Variants in FOXJ3 observed in about 807,000 individuals in gnomAD.
FOXJ3 encodes forkhead box protein J3.
A neutral mutation model predicts 76.1 loss-of-function variants in FOXJ3; 22 were observed. The observed-to-expected ratio is 0.29, with a 90% confidence interval of 0.21 to 0.41. The LOEUF is 0.41. Ranked by LOEUF, FOXJ3 falls within the 10% of genes least tolerant of loss-of-function variation. The probability of loss-of-function intolerance (pLI) is 1.00; values close to 1 mark genes in which losing one functional copy is unlikely to be tolerated. For missense variants in FOXJ3, 613 were observed against 762.1 expected, an observed-to-expected ratio of 0.80 and a Z score of 2.30; for synonymous variants, 269 against 261.2, an observed-to-expected ratio of 1.03 and a Z score of -0.29.
In FOXJ3 at chr1:42,278,110, T is replaced by A. The variant is rs559589203; in HGVS notation, c.369+238A>T. On this transcript the variant is annotated intron_variant, in intron 3 of 12. Coordinates refer to ENST00000361346, the MANE Select transcript of FOXJ3 (RefSeq NM_014947.5). Reference sequence around the variant, plus strand: ...GGTATGGTTTCCAGTGAACGCTACATTATCCCCGCTCTTACTTTATGCTAC... The same window carrying A: ...GGTATGGTTTCCAGTGAACGCTACAATATCCCCGCTCTTACTTTATGCTAC... 1.3e-5 allele frequency among the ~76,000 whole-genome samples: 2 copies of A among 152,292 alleles called. 1 individual carries two copies. The highest frequency in any genetic ancestry group is 4.1e-4 in the South Asian group (2 of 4,824).
intron 4 of FOXJ3, among the ~76,000 whole-genome samples, chr1:42,250,747 G>A (rs1180730012): frequency 8.2e-6 from 1 of 122,406 alleles, no homozygotes. Context: ...AGTGAGCAGA[G>A]AAATCACGCC....
rs1459073196 is a variant in FOXJ3, at chr1:42,199,417, C to T, written c.631-187G>A. Among the ~76,000 whole-genome samples, 3 of 152,070 alleles carry T rather than the reference C, an allele frequency of 2.0e-5. No individual in the cohort carries two copies. In the East Asian group the frequency reaches 5.8e-4, roughly 29 times the overall value. On this transcript the variant is annotated intron_variant, in intron 6 of 12. Transcript: ENST00000361346. The stretch of plus-strand genomic sequence containing the variant: ...TCATCATAAAATAATTTTCTCAATA[C>T]TCAAACTAAAGGACATGTCTTTCAG...
rs1037778227 is a variant in FOXJ3 at position 42,328,745 on chromosome 1, C to T, written c.-18+6314G>A. 2.0e-5 allele frequency among the ~76,000 whole-genome samples: 3 copies of T among 147,326 alleles called. No individual in the cohort carries two copies. The Admixed American group carries it at 2.1e-4, about 10-fold the overall frequency. On this transcript the variant is annotated intron_variant, in intron 1 of 12. Transcript: ENST00000361346. ...CCCAGACTAGAATGCAGCGGCATTG[C>T]AACCTCGGCCTCCCAGGTTCAAGCG...
chr1:42,237,458 A>G (rs1648771710), intron 4 of FOXJ3, among the ~76,000 whole-genome samples: 1 of 146,284 alleles, frequency 6.8e-6, no homozygotes, highest in South Asian at 2.1e-4. Flanking sequence ...ATACACATAC[A>G]TACATATACA....
chr1:42,263,928 A>C (rs1221673497), intron 4 of FOXJ3, among the ~76,000 whole-genome samples: 1 of 127,154 alleles, frequency 7.9e-6, no homozygotes, highest in Admixed American at 9.6e-5. Flanking sequence ...TGAGTAGGTT[A>C]ACTTTTTTTT....
chr1:42,314,324 CA>C (rs747322647), intron 1 of FOXJ3, among the ~76,000 whole-genome samples: 3 of 152,208 alleles, frequency 2.0e-5, no homozygotes, highest in Non-Finnish European at 4.4e-5. Flanking sequence ...CAACTCGGCT[CA>C]CTGCAACCTC....
At chr1:42,189,143 C>A in intron 10 of FOXJ3, 160 bp downstream of exon 10, 1 of 626,496 alleles carries the variant, frequency 1.6e-6, no homozygotes, top group Non-Finnish European at 2.7e-6. Context: ...GTCTGTGACC[C>A]TCTGCTATAC....
At chr1:42,254,896 A>G (rs1650453032) in intron 4 of FOXJ3, among the ~76,000 whole-genome samples, 1 of 151,552 alleles carries the variant, frequency 6.6e-6, no homozygotes, top group Non-Finnish European at 1.5e-5. Context: ...GCACACCAGC[A>G]TGGCACATGT....
intron 4 of FOXJ3, among the ~76,000 whole-genome samples, chr1:42,251,845 T>C (rs1212107594): frequency 1.3e-5 from 2 of 149,522 alleles, no homozygotes; most frequent in African/African-American, 2.5e-5. Flanking sequence ...CAGCCTCCCC[T>C]GTAGCTGGGA....
intron 5 of FOXJ3, among the ~76,000 whole-genome samples, chr1:42,219,305 T>G (rs1647132589): frequency 6.6e-6 from 1 of 152,236 alleles, no homozygotes; most frequent in African/African-American, 2.4e-5. Flanking sequence ...CTCTTGGTTA[T>G]CAGATTGACT....
In FOXJ3 at chr1:42,234,362, G is replaced by A. The variant is rs1172871319; in HGVS notation, c.445-6396C>T. The stretch of plus-strand genomic sequence containing the variant: ...GGGTTCGAGCTTCCTCCTTTAGCTC[G>A]GAGTAGTTTGATCGTCTGAAGCCTT... On this transcript the variant is annotated intron_variant, in intron 4 of 12. Coordinates refer to ENST00000361346, the MANE Select transcript of FOXJ3 (RefSeq NM_014947.5). 5.3e-5 allele frequency among the ~76,000 whole-genome samples: 8 copies of A among 152,164 alleles called. No homozygotes were observed. The East Asian group carries it at 7.7e-4, about 15-fold the overall frequency.
At chr1:42,330,650 C>CA in intron 1 of FOXJ3, among the ~76,000 whole-genome samples, 1 of 151,570 alleles carries the variant, frequency 6.6e-6, no homozygotes, top group South Asian at 2.1e-4. Flanking sequence ...ACAAAACAAA[C>CA]AAACAAAAAA....
At chr1:42,198,386 G>T (rs1326231479) in intron 7 of FOXJ3, among the ~76,000 whole-genome samples, 1 of 152,044 alleles carries the variant, frequency 6.6e-6, no homozygotes, top group Non-Finnish European at 1.5e-5. Flanking sequence ...TTTGTCCCGT[G>T]TAAGTTTTTT....
At position 42,278,690 on chromosome 1, in the gene FOXJ3, C is replaced by T. The variant is rs1292540301; in HGVS notation, c.45-18G>A. 1 of 1,555,202 alleles carries T rather than the reference C, an allele frequency of 6.4e-7. No individual in the cohort carries two copies. The highest frequency in any genetic ancestry group is 1.8e-5 in the Admixed American group (1 of 56,096). ...ATGTCATCCTGAAGGTAAATAGACT[C>T]CTTAGTCAATATCAAGGAAAGAACC... On this transcript the variant is annotated intron_variant, in intron 2 of 12. Coordinates refer to ENST00000361346, the MANE Select transcript of FOXJ3 (RefSeq NM_014947.5).
At chr1:42,317,514 TAAAAAA>T (rs11365048) in intron 1 of FOXJ3, among the ~76,000 whole-genome samples, 1 of 106,398 alleles carries the variant, frequency 9.4e-6, no homozygotes. Flanking sequence ...AGAGAAACCA[TAAAAAA>T]AAAAAAAAAA....
At chr1:42,211,147 A>C (rs913055478) in intron 5 of FOXJ3, among the ~76,000 whole-genome samples, 4 of 151,884 alleles carry the variant, frequency 2.6e-5, no homozygotes, top group African/African-American at 9.7e-5. Context: ...GAAGATTGGG[A>C]TTTCTTCTCC....
intron 5 of FOXJ3, among the ~76,000 whole-genome samples, chr1:42,221,767 T>C (rs1647190912): frequency 6.6e-6 from 1 of 150,726 alleles, no homozygotes; most frequent in East Asian, 2.0e-4. Flanking sequence ...ACTAGTTTCC[T>C]TGGAATAGTT....
chr1:42,248,324 G>A (rs539621446), intron 4 of FOXJ3, among the ~76,000 whole-genome samples: 6 of 152,034 alleles, frequency 3.9e-5, no homozygotes, highest in East Asian at 3.9e-4. Context: ...CACGAGGTCA[G>A]GAGATCAAGA....
chr1:42,203,418 T>C (rs745402480), intron 6 of FOXJ3, among the ~76,000 whole-genome samples: 25 of 152,214 alleles, frequency 1.6e-4, no homozygotes, highest in Non-Finnish European at 3.4e-4. Context: ...GAGAATTCCA[T>C]TTTCTTTCGG....
Sources: allele counts gnomAD v4.1 joint callset (sites outside exome capture counted in the v4.1 genomes callset), GRCh38; gene constraint gnomAD v4.1.1; transcripts MANE v1.5; gene names NCBI Gene and HGNC (gene_info 2026-07-23, HGNC 2026-07-21).